The following POGLUT2 variants were observed in gnomAD, a reference collection of about 807,000 sequenced individuals.
POGLUT2 encodes the protein protein O-glucosyltransferase 2, also known as ER protein 58.
POGLUT2 carries 47 observed loss-of-function variants against 57.6 expected under a neutral mutation model. The ratio of observed to expected loss-of-function variants is 0.82; its 90% CI spans 0.65 to 1.04. The LOEUF is 1.04. Among genes scored for constraint, POGLUT2 ranks in the 50% least tolerant of loss-of-function variants. The pLI, the probability that POGLUT2 is intolerant of heterozygous loss-of-function variation, is 0.00. For missense variants in POGLUT2, 565 were observed against 614.8 expected (o/e 0.92, Z 0.86); for synonymous variants, 200 against 218.8 (o/e 0.91, Z 0.76).
intron 4 of POGLUT2, among the ~76,000 whole-genome samples, chr13:102,792,700 C>A (rs1878226179): frequency 6.6e-6 from 1 of 152,064 alleles, no homozygotes; most frequent in Non-Finnish European, 1.5e-5. Context: ...AACCAAGGAA[C>A]ACCAAAGATG....
chr13:102,792,761 C>G (rs986075236), intron 4 of POGLUT2, among the ~76,000 whole-genome samples: 1 of 152,126 alleles, frequency 6.6e-6, no homozygotes, highest in Non-Finnish European at 1.5e-5. Flanking sequence ...AGGAAAGGAT[C>G]ATCTCAGAGG....
chr13:102,791,104 T>C lies in POGLUT2; in HGVS notation c.880A>G (p.Thr294Ala), dbSNP rs762948924. 6 of 1,614,174 alleles carry C rather than the reference T, an allele frequency of 3.7e-6. No homozygotes were observed. The South Asian group carries it at 4.4e-5, about 12-fold the overall frequency. The change falls in exon 6 of 10, where the codon ACG becomes GCG. Residue 294 changes from threonine (T) to alanine (A), a missense_variant. Transcript: ENST00000376004. ...SLDMMSVQAN[T>A]GPPWESKNST... ...TTTTTGCTTTCCCAGGGAGGACCCG[T>C]GTTAGCTTGCACGGACATCATATCC...
At chr13:102,795,891 A>G (rs1368312451) in intron 2 of POGLUT2, among the ~76,000 whole-genome samples, 1 of 152,176 alleles carries the variant, frequency 6.6e-6, no homozygotes, top group East Asian at 1.9e-4. Flanking sequence ...GGGGGGGACA[A>G]GATTTCTGCC....
At chr13:102,786,402 G>A (rs1877943493) in intron 8 of POGLUT2, 63 bp from the exon 9 acceptor site, 2 of 1,021,724 alleles carry the variant, frequency 2.0e-6, no homozygotes, top group South Asian at 1.3e-5. Context: ...CAATGAGAGA[G>A]GCTAGAATAT....
Position 102,789,233 on chromosome 13 carries a change from T to C in POGLUT2, c.1084-12A>G, listed in dbSNP as rs756832367. 3.2e-5 allele frequency: 51 copies of C among 1,605,376 alleles called. 1 individual carries two copies. In the South Asian group the frequency reaches 4.7e-4, roughly 15 times the overall value. On this transcript the variant is annotated splice_polypyrimidine_tract_variant and intron_variant, in intron 6 of 9. Transcript: ENST00000376004. ...ATTTGATACTTATGCTGCAAAACAA[T>C]GGTAAAGTCTAAGAACCTCTATTAA...
chr13:102,787,800 A>G (rs1878010701), intron 8 of POGLUT2, 34 bp downstream of exon 8: 1 of 1,180,962 alleles, frequency 8.5e-7, no homozygotes, highest in Admixed American at 2.0e-5. Flanking sequence ...GTCTACTTAT[A>G]AGTTACGTGA....
chr13:102,796,309 AAAATAAATAAAT>A (rs869279337), intron 2 of POGLUT2, among the ~76,000 whole-genome samples: 22 of 125,966 alleles, frequency 1.7e-4, no homozygotes, highest in Admixed American at 3.5e-4. Context: ...AAAAAAAAAA[AAAATAAATAAAT>A]AAATAAATAA....
At chr13:102,785,726 C>T (rs1475564765) in intron 9 of POGLUT2, among the ~76,000 whole-genome samples, 1 of 152,180 alleles carries the variant, frequency 6.6e-6, no homozygotes, top group African/African-American at 2.4e-5. Flanking sequence ...AAGGTCCTTT[C>T]TACCTTAAAA....
Position 102,798,886 on chromosome 13 carries a change from G to C in POGLUT2, c.-216C>G. ...CGGCGCGCCCAGGTGAGGGTCCCCT[G>C]GCGTTCTGCTGTCCCGGCCGAGAAC... On this transcript the variant is annotated 5_prime_UTR_variant, in exon 1 of 10. Transcript: ENST00000376004. 2.0e-6 allele frequency: 1 copy of C among 490,596 alleles called. No homozygotes were observed. The highest frequency in any genetic ancestry group is 3.4e-5 in the East Asian group (1 of 29,540). The allele number at this position is 490,596 out of a possible 1,614,324, so 30.4% of individuals were successfully genotyped here.
intron 9 of POGLUT2, 99 bp from the exon 10 acceptor site, chr13:102,784,611 A>G: frequency 1.3e-6 from 1 of 753,698 alleles, no homozygotes; most frequent in South Asian, 1.6e-5. Context: ...GATGAGAGGG[A>G]GCCAAGCTGC....
intron 4 of POGLUT2, chr13:102,791,993 C>A (rs1442379063): frequency 7.8e-7 from 1 of 1,289,482 alleles, no homozygotes; most frequent in Middle Eastern, 2.1e-4. Context: ...AAAGCACTGA[C>A]CAGTCTGAGA....
At chr13:102,792,981 G>A (rs1878238439) in intron 4 of POGLUT2, among the ~76,000 whole-genome samples, 1 of 152,134 alleles carries the variant, frequency 6.6e-6, no homozygotes, top group Non-Finnish European at 1.5e-5. Flanking sequence ...TCACCATGTT[G>A]CCCAGCCTGG....
In POGLUT2 at chr13:102,794,213, G is replaced by T. The variant is rs537150056; in HGVS notation, c.389-407C>A. On this transcript the variant is annotated intron_variant, in intron 2 of 9. Coordinates refer to ENST00000376004, the MANE Select transcript of POGLUT2 (RefSeq NM_024089.3). ...GTTTGCGCCACTCCATCCTGGGCAAGACAGTGAGAGCCCGTTTCAAAGAAA... is the reference window on the plus strand; with the variant it reads ...GTTTGCGCCACTCCATCCTGGGCAATACAGTGAGAGCCCGTTTCAAAGAAA... Among the ~76,000 whole-genome samples, 76 of 152,162 alleles carry T rather than the reference G, an allele frequency of 5.0e-4. 1 individual carries two copies. Among genetic ancestry groups the T allele is most frequent in the African/African-American group, 1.8e-3 (75 of 41,492 alleles).
chr13:102,797,117 C>G, intron 1 of POGLUT2, 108 bp from the exon 2 acceptor site: 3 of 695,168 alleles, frequency 4.3e-6, no homozygotes, highest in Non-Finnish European at 7.5e-6. Context: ...CATTCTTCCT[C>G]TAACATATGA....
In POGLUT2 at chr13:102,789,124, T is replaced by G. The variant is rs372231388; in HGVS notation, c.1181A>C (p.Tyr394Ser). The change falls in exon 7 of 10, where the codon TAC (tyrosine) becomes TCC (serine). Residue 394 changes from tyrosine to serine, a missense_variant. By Grantham distance (144) the Tyr-to-Ser change is moderately radical. Transcript: ENST00000376004. Reference sequence around the variant, plus strand: ...CAGCTCATTGTAAAAATGTTCATAGTAGATGGAATCCTGCTTCAGCACAAC... The same window carrying G: ...CAGCTCATTGTAAAAATGTTCATAGGAGATGGAATCCTGCTTCAGCACAAC... The part of the protein sequence containing the change: ...DSVVLKQDSI[Y>S]YEHFYNELQP... 2.7e-5 allele frequency: 44 copies of G among 1,614,026 alleles called. No individual in the cohort carries two copies. The highest frequency in any genetic ancestry group is 3.4e-5 in the Non-Finnish European group (40 of 1,179,974).
At chr13:102,792,204 G>T in intron 4 of POGLUT2, 1 of 630,744 alleles carries the variant, frequency 1.6e-6, no homozygotes, top group Non-Finnish European at 2.0e-6. Context: ...GATTTTCCAT[G>T]AGTAGTTTAA....
At chr13:102,794,451 C>T (rs551209839) in intron 2 of POGLUT2, among the ~76,000 whole-genome samples, 2 of 152,004 alleles carry the variant, frequency 1.3e-5, no homozygotes, top group Non-Finnish European at 2.9e-5. Context: ...AACTTGAGGT[C>T]AGGAGTTTGA....
At chr13:102,788,041 G>C in intron 7 of POGLUT2, 118 bp from the exon 8 acceptor site, 1 of 562,376 alleles carries the variant, frequency 1.8e-6, no homozygotes, top group African/African-American at 1.9e-5. Context: ...TAATATCTTT[G>C]GGGGTAGTCT....
chr13:102,796,698 AAAT>A (rs1472508857), intron 2 of POGLUT2, 103 bp downstream of exon 2: 3,111 of 130,652 alleles, frequency 0.024, 67 homozygotes, highest in African/African-American at 0.077. Flanking sequence ...AAAAAAAAAA[AAAT>A]ATATATATAT....
Sources: allele counts gnomAD v4.1 joint callset (sites outside exome capture counted in the v4.1 genomes callset), GRCh38; gene constraint gnomAD v4.1.1; transcripts MANE v1.5; gene names NCBI Gene and HGNC (gene_info 2026-07-23, HGNC 2026-07-21).